Variants in APBB2 observed in about 807,000 individuals in gnomAD.
The protein encoded by APBB2 is Fe65-like 1.
In APBB2, 38 loss-of-function variants were observed where a neutral mutation model predicts 82.5. The observed-to-expected ratio is 0.46, with a 90% CI of 0.36 to 0.60. APBB2 has a LOEUF of 0.60. Ranked by LOEUF, APBB2 falls within the 20% of genes least tolerant of loss-of-function variation. APBB2 has a pLI of 0.00. For synonymous variants in APBB2, 341 were observed against 368.2 expected (o/e 0.93, Z 0.85); for missense variants, 772 against 972.3 (o/e 0.79, Z 2.74).
At chr4:40,887,207 T>A (rs75334557) in intron 12 of APBB2, among the ~76,000 whole-genome samples, 2,050 of 152,302 alleles carry the variant, frequency 0.013, 34 homozygotes, top group African/African-American at 0.035. Flanking sequence ...CCCGAAGGAA[T>A]TTCTTCCAAG....
At chr4:40,982,133 C>T (rs150556591) in intron 6 of APBB2, among the ~76,000 whole-genome samples, 8,648 of 147,626 alleles carry the variant, frequency 0.059, 850 homozygotes, top group African/African-American at 0.2. Flanking sequence ...TGCAGTGAGC[C>T]GAGGTCACAC....
intron 6 of APBB2, among the ~76,000 whole-genome samples, chr4:40,999,272 C>T (rs1804487612): frequency 6.6e-6 from 1 of 152,002 alleles, no homozygotes; most frequent in South Asian, 2.1e-4. Context: ...GAGACCCTGT[C>T]TCTACAAATT....
At chr4:41,115,151 G>A (rs1228762620) in intron 2 of APBB2, among the ~76,000 whole-genome samples, 27 of 152,056 alleles carry the variant, frequency 1.8e-4, no homozygotes, top group Non-Finnish European at 4.4e-5. Context: ...CAGAACAAAG[G>A]CATCAGAAAT....
chr4:40,881,905 G>A (rs1166644587), intron 12 of APBB2, among the ~76,000 whole-genome samples: 1 of 152,092 alleles, frequency 6.6e-6, no homozygotes, highest in Non-Finnish European at 1.5e-5. Context: ...TAATAATTTA[G>A]AAAGGAAGTC....
intron 2 of APBB2, among the ~76,000 whole-genome samples, chr4:41,135,840 T>C (rs895028887): frequency 9.2e-5 from 14 of 152,230 alleles, no homozygotes; most frequent in African/African-American, 3.4e-4. Flanking sequence ...CAGGCACTCT[T>C]TTCTTTTCTA....
chr4:40,827,125 G>A lies in APBB2; in HGVS notation c.1732+7C>T. ...CATAATGAAGACATGAGGTGCCACTGACTTACCTTGCAAAGGGACATCGAG... is the reference window on the plus strand; with the variant it reads ...CATAATGAAGACATGAGGTGCCACTAACTTACCTTGCAAAGGGACATCGAG... On this transcript the variant is annotated splice_region_variant and intron_variant, in intron 14 of 17. Coordinates refer to ENST00000508593, the MANE Select transcript of APBB2 (RefSeq NM_004307.2). The A allele has an allele frequency of 1.2e-6, 2 of 1,613,704 alleles. No individual in the cohort carries two copies. The highest frequency in any genetic ancestry group is 1.1e-5 in the South Asian group (1 of 91,026).
chr4:41,072,013 G>T (rs1227522098), intron 3 of APBB2, among the ~76,000 whole-genome samples: 1 of 133,986 alleles, frequency 7.5e-6, no homozygotes, highest in Non-Finnish European at 1.6e-5. Context: ...GCTGGATGGG[G>T]AGTTACTACT....
chr4:40,827,226 G>T lies in APBB2; in HGVS notation c.1645-7C>A, dbSNP rs770200998. 3 of 1,613,806 alleles carry T rather than the reference G, an allele frequency of 1.9e-6. No homozygotes were observed. The Admixed American group carries it at 5.0e-5, about 27-fold the overall frequency. Reference sequence around the variant, plus strand: ...TCTTCCGTTCAGCCATAATCTAAGGGGGAAAAAGTGCAGCTTTGGAGCGTG... The same window carrying T: ...TCTTCCGTTCAGCCATAATCTAAGGTGGAAAAAGTGCAGCTTTGGAGCGTG... On this transcript the variant is annotated splice_region_variant and splice_polypyrimidine_tract_variant and intron_variant, in intron 13 of 17. Transcript: ENST00000508593.
chr4:41,102,914 T>C (rs577228607), intron 2 of APBB2, among the ~76,000 whole-genome samples: 1 of 152,316 alleles, frequency 6.6e-6, no homozygotes, highest in South Asian at 2.1e-4. Flanking sequence ...GTTTTTTGAG[T>C]ATTGTGTCCC....
At chr4:41,159,917 AG>A (rs1764449882) in intron 1 of APBB2, among the ~76,000 whole-genome samples, 1 of 13,918 alleles carries the variant, frequency 7.2e-5, no homozygotes, top group Non-Finnish European at 2.1e-4. Context: ...AAGGAGGAGG[AG>A]GAGGAGGAGG....
At chr4:41,097,743 C>A (rs992391307) in intron 3 of APBB2, among the ~76,000 whole-genome samples, 3 of 152,086 alleles carry the variant, frequency 2.0e-5, no homozygotes, top group Non-Finnish European at 4.4e-5. Flanking sequence ...CAAAAATCTA[C>A]CTCAAACAAT....
intron 3 of APBB2, among the ~76,000 whole-genome samples, chr4:41,096,295 G>T (rs1207864138): frequency 2.0e-5 from 3 of 152,140 alleles, no homozygotes; most frequent in African/African-American, 7.2e-5. Flanking sequence ...ACTCAAACAT[G>T]TTCTAACTGT....
chr4:40,907,345 T>TTATATATATATATATA (rs1560860217), intron 10 of APBB2, among the ~76,000 whole-genome samples: 1 of 104,978 alleles, frequency 9.5e-6, no homozygotes, highest in African/African-American at 4.0e-5. Flanking sequence ...ATTTAATATA[T>TTATATATATATATATA]TACATATATA....
At chr4:40,855,212 G>C (rs1368874686) in intron 12 of APBB2, among the ~76,000 whole-genome samples, 1 of 151,990 alleles carries the variant, frequency 6.6e-6, no homozygotes, top group Non-Finnish European at 1.5e-5. Flanking sequence ...GGATGCTCCA[G>C]TGCAGAGAAC....
Position 41,199,273 on chromosome 4 carries a change from C to T in APBB2, c.-417+15132G>A, listed in dbSNP as rs567634756. Among the ~76,000 whole-genome samples, 63 of 152,274 alleles carry T rather than the reference C, an allele frequency of 4.1e-4. 1 individual carries two copies. Among genetic ancestry groups the T allele is most frequent in the African/African-American group, 1.5e-3 (63 of 41,550 alleles). On this transcript the variant is annotated intron_variant, in intron 1 of 17. Coordinates refer to ENST00000508593, the MANE Select transcript of APBB2 (RefSeq NM_004307.2). ...CTTATAAATGCAAGATTTGCCAGTTCTCAAACTACCCTTCAGAGTAAGGAA... is the reference window on the plus strand; with the variant it reads ...CTTATAAATGCAAGATTTGCCAGTTTTCAAACTACCCTTCAGAGTAAGGAA...
chr4:41,005,498 T>C (rs549237267), intron 6 of APBB2, among the ~76,000 whole-genome samples: 3 of 152,180 alleles, frequency 2.0e-5, no homozygotes, highest in Non-Finnish European at 4.4e-5. Context: ...AAGTGTCCAG[T>C]AGTGTTTTTG....
intron 5 of APBB2, among the ~76,000 whole-genome samples, chr4:41,028,041 G>A (rs79714451): frequency 0.046 from 6,972 of 152,308 alleles, 338 homozygotes; most frequent in African/African-American, 0.12. Flanking sequence ...CATGATGAAG[G>A]AACATCTATT....
intron 6 of APBB2, among the ~76,000 whole-genome samples, chr4:40,947,131 C>A (rs940178303): frequency 4.6e-5 from 7 of 152,180 alleles, no homozygotes. Context: ...TTTCAGGGGA[C>A]GAAGGGGTCA....
chr4:40,890,440 G>T lies in APBB2; in HGVS notation c.1453C>A (p.Pro485Thr). The T allele has an allele frequency of 6.2e-7, 1 of 1,614,032 alleles. No homozygotes were observed. Among genetic ancestry groups the T allele is most frequent in the Non-Finnish European group, 8.5e-7 (1 of 1,180,020 alleles). ...GAGTGCAGCACGCTGCGGTCCATGG[G>T]GTCCACCAGGCTGAGCATGTCATTC... ...LENDMLSLVD[P>T]MDRSVLHSQP... The change falls in exon 12 of 18, where the codon CCC (proline) becomes ACC (threonine). Residue 485 changes from proline to threonine, a missense_variant. By Grantham distance (38) the Pro-to-Thr change is conservative. Transcript: ENST00000508593.
Sources: gnomAD v4.1 joint callset for allele counts (sites outside exome capture counted in the v4.1 genomes callset) on GRCh38, gnomAD v4.1.1 for gene constraint, MANE v1.5 for transcripts, NCBI Gene and HGNC (gene_info 2026-07-23, HGNC 2026-07-21) for gene names.